Variants in RAB30 observed in about 807,000 individuals in gnomAD.
The protein encoded by RAB30 is ras-related protein Rab-30.
Under a neutral mutation model 25.1 loss-of-function variants are expected in RAB30, and 9 were observed. That is an observed-to-expected ratio of 0.36 (90% CI 0.22 to 0.63). The LOEUF is 0.63. Among genes scored for constraint, RAB30 ranks in the 20% least tolerant of loss-of-function variants. The pLI is 0.69. For missense variants in RAB30, 140 were observed against 243.5 expected (o/e 0.58, Z 2.83); for synonymous variants, 77 against 86.4 (o/e 0.89, Z 0.60).
chr11:83,024,037 A>G (rs1326325958), intron 1 of RAB30, among the ~76,000 whole-genome samples: 2 of 152,132 alleles, frequency 1.3e-5, no homozygotes, highest in African/African-American at 2.4e-5. Flanking sequence ...TCTACTCCAT[A>G]TCCCGGGGCC....
intron 1 of RAB30, among the ~76,000 whole-genome samples, chr11:83,028,923 G>A (rs1006527325): frequency 2.0e-5 from 3 of 152,140 alleles, no homozygotes; most frequent in East Asian, 1.9e-4. Flanking sequence ...TGTGGTCCCA[G>A]GTACTTGAGA....
At chr11:82,993,573 C>G (rs1856900099) in intron 3 of RAB30, among the ~76,000 whole-genome samples, 1 of 152,214 alleles carries the variant, frequency 6.6e-6, no homozygotes. Flanking sequence ...GGCTAGAGAG[C>G]ATGTATCCTT....
At chr11:83,038,045 G>A (rs1207803618) in intron 1 of RAB30, among the ~76,000 whole-genome samples, 1 of 152,020 alleles carries the variant, frequency 6.6e-6, no homozygotes. Flanking sequence ...TCATTGGAAG[G>A]GTTAAAGAAA....
At chr11:83,028,523 G>C (rs1857777894) in intron 1 of RAB30, among the ~76,000 whole-genome samples, 1 of 152,092 alleles carries the variant, frequency 6.6e-6, no homozygotes, top group African/African-American at 2.4e-5. Flanking sequence ...TGCAGACAAA[G>C]AGAAGATTTT....
At chr11:83,070,155 A>G (rs1311653316) in intron 1 of RAB30, among the ~76,000 whole-genome samples, 1 of 152,184 alleles carries the variant, frequency 6.6e-6, no homozygotes, top group Admixed American at 6.6e-5. Flanking sequence ...GGAAGAAATG[A>G]AAGTACAGGA....
chr11:83,063,010 A>G (rs1196011600), intron 1 of RAB30, among the ~76,000 whole-genome samples: 2 of 132,690 alleles, frequency 1.5e-5, no homozygotes, highest in Non-Finnish European at 3.1e-5. Context: ...CTCAAAAAAA[A>G]AAAAAAAAAA....
intron 1 of RAB30, among the ~76,000 whole-genome samples, chr11:83,043,076 A>T (rs1858162664): frequency 6.6e-6 from 1 of 152,210 alleles, no homozygotes; most frequent in African/African-American, 2.4e-5. Flanking sequence ...CCCTTGAGCA[A>T]TATGACTTTG....
intron 1 of RAB30, among the ~76,000 whole-genome samples, chr11:83,047,586 C>T (rs1403348049): frequency 6.6e-6 from 1 of 152,116 alleles, no homozygotes; most frequent in Non-Finnish European, 1.5e-5. Flanking sequence ...ATCCTATTAA[C>T]AATAATAGAA....
rs1313770796 is a variant in RAB30 at position 83,067,371 on chromosome 11, A to G, written c.-9+4320T>C. ...ACTAAAGCTCAGAAAAAAAAATGTG[A>G]TATGTCCAACATCATACAGCTAATA... On this transcript the variant is annotated intron_variant, in intron 1 of 4. Transcript: ENST00000527633. 3.9e-5 allele frequency among the ~76,000 whole-genome samples: 6 copies of G among 152,156 alleles called. No individual in the cohort carries two copies. The East Asian group carries it at 7.7e-4, about 20-fold the overall frequency.
At chr11:83,049,463 G>A (rs1216797064) in intron 1 of RAB30, among the ~76,000 whole-genome samples, 2 of 140,506 alleles carry the variant, frequency 1.4e-5, no homozygotes, top group African/African-American at 2.5e-5. Flanking sequence ...GGGCAGAGGC[G>A]GGGGGTGCAG....
intron 1 of RAB30, among the ~76,000 whole-genome samples, chr11:83,008,905 G>T (rs1857244011): frequency 6.6e-6 from 1 of 152,098 alleles, no homozygotes; most frequent in Admixed American, 6.5e-5. Context: ...TGAGGATGCA[G>T]TTCAACTCCT....
chr11:82,986,904 T>C (rs1421263643), intron 4 of RAB30: 1 of 152,242 alleles, frequency 6.6e-6, no homozygotes, highest in African/African-American at 2.4e-5. Flanking sequence ...ATTCAGGTAT[T>C]GCTAGACTAT....
intron 1 of RAB30, among the ~76,000 whole-genome samples, chr11:83,049,958 T>C (rs955035156): frequency 1.3e-5 from 2 of 152,110 alleles, no homozygotes; most frequent in Admixed American, 6.5e-5. Context: ...CAGTACCCTA[T>C]AGAGATTTTA....
Position 82,982,375 on chromosome 11 carries a change from C to A in RAB30, c.402G>T (p.Gln134His), listed in dbSNP as rs371863767. ...CTTCTGAGAATTCTTCAGCTCGCTGCTGGGAAACCTCTCTCCTTTCAGCCA... is the reference window on the plus strand; with the variant it reads ...CTTCTGAGAATTCTTCAGCTCGCTGATGGGAAACCTCTCTCCTTTCAGCCA... ...IDLAERREVS[Q>H]QRAEEFSEAQ... Residue 134 changes from glutamine to histidine, a missense_variant, in exon 5 of 5, where the codon CAG becomes CAT. Physicochemically the swap from Gln to His is conservative, Grantham distance 24. Transcript: ENST00000527633. 6.2e-7 allele frequency: 1 copy of A among 1,613,934 alleles called. No individual in the cohort carries two copies. Among genetic ancestry groups the A allele is most frequent in the African/African-American group, 1.3e-5 (1 of 74,930 alleles).
At chr11:83,012,039 G>A (rs1039273144) in intron 1 of RAB30, among the ~76,000 whole-genome samples, 2 of 152,162 alleles carry the variant, frequency 1.3e-5, no homozygotes, top group African/African-American at 2.4e-5. Context: ...GTTTCTGCAG[G>A]AGTGTGATAC....
At chr11:83,008,765 C>T (rs1284790656) in intron 1 of RAB30, among the ~76,000 whole-genome samples, 1 of 152,096 alleles carries the variant, frequency 6.6e-6, no homozygotes, top group East Asian at 1.9e-4. Context: ...TAACCCCTGT[C>T]CCCACTGCAC....
At chr11:83,045,337 C>T (rs1018774692) in intron 1 of RAB30, among the ~76,000 whole-genome samples, 7 of 152,058 alleles carry the variant, frequency 4.6e-5, no homozygotes, top group Non-Finnish European at 1.0e-4. Flanking sequence ...TGCCATCTTG[C>T]CCAAGCTGGT....
At chr11:83,034,069 C>T (rs1443620870) in intron 1 of RAB30, 1 of 152,250 alleles carries the variant, frequency 6.6e-6, no homozygotes, top group Non-Finnish European at 1.5e-5. Context: ...TCTGCCTCCC[C>T]ATCTGTATTT....
intron 1 of RAB30, among the ~76,000 whole-genome samples, chr11:82,998,386 C>T (rs1016146234): frequency 6.6e-6 from 1 of 151,798 alleles, no homozygotes; most frequent in Non-Finnish European, 1.5e-5. Context: ...TACAAAAGAA[C>T]CTTATACAAA....
Sources: allele counts gnomAD v4.1 joint callset (sites outside exome capture counted in the v4.1 genomes callset), GRCh38; gene constraint gnomAD v4.1.1; transcripts MANE v1.5; gene names NCBI Gene and HGNC (gene_info 2026-07-23, HGNC 2026-07-21).